Variants in SGSM2 observed in about 807,000 individuals in gnomAD.
SGSM2 encodes the protein RUN and TBC1 domain containing 1.
SGSM2 carries 89 observed loss-of-function variants against 126.6 expected under a neutral mutation model. The ratio of observed to expected loss-of-function variants is 0.70; its 90% confidence interval spans 0.59 to 0.84. The LOEUF (loss-of-function observed/expected upper bound fraction) is 0.84, where lower values mean the gene tolerates loss of function less well. Ranked by LOEUF, SGSM2 falls within the 40% of genes least tolerant of loss-of-function variation. The probability of loss-of-function intolerance (pLI) is 0.00; values close to 1 mark genes in which losing one functional copy is unlikely to be tolerated. For synonymous variants in SGSM2, 614 were observed against 574.3 expected (o/e 1.07, Z -0.99); for missense variants, 1,404 against 1,416.6 (o/e 0.99, Z 0.14).
In SGSM2 at chr17:2,380,354, A is replaced by T; in HGVS notation, c.*834A>T. On this transcript the variant is annotated 3_prime_UTR_variant, in exon 24 of 24. Transcript: ENST00000268989. ...CGGAGCACTTGCTCTGAGGAATCCC[A>T]GGGTGACTCTGTCGGGGAAGAATCC... 1 of 1,504,296 alleles carries T rather than the reference A, an allele frequency of 6.6e-7. No homozygotes were observed. Among genetic ancestry groups the T allele is most frequent in the Non-Finnish European group, 8.9e-7 (1 of 1,118,252 alleles). 93.2% of individuals were successfully genotyped at this position (1,504,296 alleles called of 1,614,324 possible).
rs768375647 is a variant in SGSM2, at chr17:2,379,925, G to A, written c.*405G>A. 1 of 1,316,102 alleles carries A rather than the reference G, an allele frequency of 7.6e-7. No homozygotes were observed. The highest frequency in any genetic ancestry group is 9.7e-7 in the Non-Finnish European group (1 of 1,029,374). The allele number at this position is 1,316,102 out of a possible 1,614,324, so 81.5% of individuals were successfully genotyped here. On this transcript the variant is annotated 3_prime_UTR_variant, in exon 24 of 24. Coordinates refer to ENST00000268989, the MANE Select transcript of SGSM2 (RefSeq NM_014853.3). ...CAGCTGGGGTGGCAGAGGGCGAGAG[G>A]CTCTGTGCTGTGTCCCTTCTGAGGG...
rs761805986 is a variant in SGSM2, at chr17:2,372,944, G to A, written c.1789-9G>A. The A allele has an allele frequency of 1.9e-6, 3 of 1,557,782 alleles. No individual in the cohort carries two copies. Among genetic ancestry groups the A allele is most frequent in the African/African-American group, 2.7e-5 (2 of 73,304 alleles). On this transcript the variant is annotated splice_polypyrimidine_tract_variant and intron_variant, in intron 15 of 23. Coordinates refer to ENST00000268989, the MANE Select transcript of SGSM2 (RefSeq NM_014853.3). This position sits in a 1 kb window ranked among gnomAD's most constrained non-coding sequence, Gnocchi z 6.0. ...AGGCTGCACAGTCTTGACTCCCCGG[G>A]TCCCTCAGAACTACAAAGAGCTGGA... is the stretch of plus-strand genomic sequence containing the variant.
chr17:2,338,044 G>A (rs957844068), intron 1 of SGSM2, among the ~76,000 whole-genome samples: 3 of 152,092 alleles, frequency 2.0e-5, no homozygotes, highest in African/African-American at 4.8e-5. Flanking sequence ...CGGCGATGGC[G>A]GGGATGGCTG....
rs748762956 is a variant in SGSM2, at chr17:2,373,375, G to T, written c.1962G>T (p.Glu654Asp). The part of the protein sequence containing the change: ...VAARYQQVLA[E>D]WKACEVVVRQ... ...CAAGGTACCAGCAGGTGTTGGCAGA[G>T]TGGAAGGCCTGCGAGGTGGTGGTGA... Residue 654 changes from glutamate (E) to aspartate (D), a missense_variant, in exon 17 of 24, where the codon GAG becomes GAT. Glu to Asp is a conservative substitution (Grantham distance 45). Coordinates refer to ENST00000268989, the MANE Select transcript of SGSM2 (RefSeq NM_014853.3). 6.2e-7 allele frequency: 1 copy of T among 1,613,054 alleles called. No homozygotes were observed. The highest frequency in any genetic ancestry group is 8.5e-7 in the Non-Finnish European group (1 of 1,180,004).
chr17:2,345,333 G>A (rs993297946), intron 2 of SGSM2, among the ~76,000 whole-genome samples: 23 of 151,506 alleles, frequency 1.5e-4, no homozygotes, highest in Non-Finnish European at 2.7e-4. Context: ...GTGGTGGCGG[G>A]CGCCTGTAAT....
At chr17:2,338,792 C>T (rs914823245) in intron 1 of SGSM2, among the ~76,000 whole-genome samples, 4 of 77,448 alleles carry the variant, frequency 5.2e-5, no homozygotes, top group South Asian at 3.2e-4. Context: ...TATATATAAC[C>T]TCACGCCTGT....
rs146145549 is a variant in SGSM2, at chr17:2,380,039, C to T, written c.*519C>T. On this transcript the variant is annotated 3_prime_UTR_variant, in exon 24 of 24. Transcript: ENST00000268989. ...CTGGTTTAGGCACACGTCACGGGTGCGGGAGACCCGGGCACGGGAGACCCG... is the reference window on the plus strand; with the variant it reads ...CTGGTTTAGGCACACGTCACGGGTGTGGGAGACCCGGGCACGGGAGACCCG... 48 of 1,393,748 alleles carry T rather than the reference C, an allele frequency of 3.4e-5. No individual in the cohort carries two copies. In the East Asian group the frequency reaches 7.0e-4, roughly 20 times the overall value. The allele number at this position is 1,393,748 out of a possible 1,614,324, so 86.3% of individuals were successfully genotyped here. A position where few individuals can be genotyped will look rare whatever the true frequency, so the allele number is the denominator to read the frequency against.
intron 16 of SGSM2, 39 bp downstream of exon 16, chr17:2,373,120 G>A (rs1252286284): frequency 6.2e-7 from 1 of 1,607,480 alleles, no homozygotes; most frequent in African/African-American, 1.3e-5. Context: ...ATGAGATGGG[G>A]AGCTGGGCCA....
intron 2 of SGSM2, among the ~76,000 whole-genome samples, chr17:2,357,145 G>A (rs1416725182): frequency 2.0e-5 from 3 of 152,110 alleles, no homozygotes; most frequent in Non-Finnish European, 4.4e-5. Flanking sequence ...CCCAGGGCTA[G>A]TCTGGGTCTG....
chr17:2,372,857 G>T lies in SGSM2; in HGVS notation c.1789-96G>T, dbSNP rs185600359. The T allele has an allele frequency of 7.4e-6, 11 of 1,484,740 alleles. No homozygotes were observed. Among genetic ancestry groups the T allele is most frequent in the Non-Finnish European group, 9.9e-6 (11 of 1,107,202 alleles). The allele number at this position is 1,484,740 out of a possible 1,614,324, so 92.0% of individuals were successfully genotyped here. On this transcript the variant is annotated intron_variant, in intron 15 of 23. Coordinates refer to ENST00000268989, the MANE Select transcript of SGSM2 (RefSeq NM_014853.3). This position sits in a 1 kb window ranked among gnomAD's most constrained non-coding sequence, Gnocchi z 6.0. The stretch of plus-strand genomic sequence containing the variant: ...GCCTGGGCTTCAGCAGTCACTACAG[G>T]CCCCGCCCCAGCCCATTCTCCGTGG...
Position 2,372,884 on chromosome 17 carries a change from AT to A in SGSM2, c.1789-68del. ...CCCGCCCCAGCCCATTCTCCGTGGG[AT>A]GGGGCTCACCCAGCTGGGCCACGGT... On this transcript the variant is annotated intron_variant, in intron 15 of 23. Transcript: ENST00000268989. The surrounding 1 kb of genome is among the most constrained non-coding windows in gnomAD (Gnocchi z 6.0). The A allele has an allele frequency of 1.3e-6, 2 of 1,527,056 alleles. No homozygotes were observed. The highest frequency in any genetic ancestry group is 1.8e-6 in the Non-Finnish European group (2 of 1,132,712). The allele number at this position is 1,527,056 out of a possible 1,614,324, so 94.6% of individuals were successfully genotyped here. A position where few individuals can be genotyped will look rare whatever the true frequency, so the allele number is the denominator to read the frequency against.
At position 2,375,820 on chromosome 17, in the gene SGSM2, C is replaced by G; in HGVS notation, c.2429C>G (p.Ala810Gly). The G allele has an allele frequency of 6.4e-7, 1 of 1,552,976 alleles. No homozygotes were observed. Among genetic ancestry groups the G allele is most frequent in the East Asian group, 2.3e-5 (1 of 44,384 alleles). The change falls in exon 18 of 24, where the codon GCC (alanine) becomes GGC (glycine). Residue 810 changes from alanine to glycine, a missense_variant. Transcript: ENST00000268989. ...PQDPSQEKPQ[A>G]GELEAGEELA... is the part of the protein sequence containing the mutation. The stretch of plus-strand genomic sequence containing the variant: ...GATCCCAGCCAGGAGAAGCCTCAGG[C>G]CGGAGAACTGGAGGCCGGAGAGGAG...
Position 2,372,026 on chromosome 17 carries a change from G to C in SGSM2, c.1578-164G>C, listed in dbSNP as rs766151000. 3 of 784,186 alleles carry C rather than the reference G, an allele frequency of 3.8e-6. No homozygotes were observed. Among genetic ancestry groups the C allele is most frequent in the Non-Finnish European group, 6.2e-6 (3 of 483,666 alleles). 48.6% of individuals were successfully genotyped at this position (784,186 alleles called of 1,614,324 possible). On this transcript the variant is annotated intron_variant, in intron 13 of 23. Coordinates refer to ENST00000268989, the MANE Select transcript of SGSM2 (RefSeq NM_014853.3). This position sits in a 1 kb window ranked among gnomAD's most constrained non-coding sequence, Gnocchi z 6.0. Reference sequence around the variant, plus strand: ...CCCACAGCACTCTGTCCAGGTGGCAGGCAGGGACAGGGCACCCACTGACGG... The same window carrying C: ...CCCACAGCACTCTGTCCAGGTGGCACGCAGGGACAGGGCACCCACTGACGG...
rs1470244770 is a variant in SGSM2, at chr17:2,376,776, T to TGCGATCTGCTG, written c.2657_2667dup (p.Pro890IlefsTer24). ...GGACGTGGGCTATGTGCAGGGCATGTGCGATCTGCTGGCGCCTCTCCTGGT... is the reference window on the plus strand; with the variant it reads ...GGACGTGGGCTATGTGCAGGGCATGTGCGATCTGCTGGCGATCTGCTGGCGCCTCTCCTGGT... On this transcript the variant is annotated frameshift_variant, in exon 20 of 24. Transcript: ENST00000268989. LOFTEE classifies it high-confidence loss of function. 5 of 1,614,090 alleles carry TGCGATCTGCTG rather than the reference T, an allele frequency of 3.1e-6. No individual in the cohort carries two copies. The highest frequency in any genetic ancestry group is 1.7e-5 in the Admixed American group (1 of 60,026).
Position 2,367,136 on chromosome 17 carries a change from C to G in SGSM2, c.1289-135C>G. Reference sequence around the variant, plus strand: ...AATCATCCAAAGAGCTTTCTGGTCCCCTCCCTTCCCCTCTTCTGTGCCCTG... The same window carrying G: ...AATCATCCAAAGAGCTTTCTGGTCCGCTCCCTTCCCCTCTTCTGTGCCCTG... On this transcript the variant is annotated intron_variant, in intron 11 of 23. Coordinates refer to ENST00000268989, the MANE Select transcript of SGSM2 (RefSeq NM_014853.3). This position sits in a 1 kb window ranked among gnomAD's most constrained non-coding sequence, Gnocchi z 4.0. 2 of 1,023,468 alleles carry G rather than the reference C, an allele frequency of 2.0e-6. No individual in the cohort carries two copies. Among genetic ancestry groups the G allele is most frequent in the Non-Finnish European group, 2.8e-6 (2 of 725,352 alleles). 63.4% of individuals were successfully genotyped at this position (1,023,468 alleles called of 1,614,324 possible).
chr17:2,367,244 C>CT lies in SGSM2; in HGVS notation c.1289-26dup. 4 of 1,603,108 alleles carry CT rather than the reference C, an allele frequency of 2.5e-6. No homozygotes were observed. Among genetic ancestry groups the CT allele is most frequent in the Non-Finnish European group, 3.4e-6 (4 of 1,174,782 alleles). On this transcript the variant is annotated intron_variant, in intron 11 of 23. Coordinates refer to ENST00000268989, the MANE Select transcript of SGSM2 (RefSeq NM_014853.3). This position sits in a 1 kb window ranked among gnomAD's most constrained non-coding sequence, Gnocchi z 4.0. Reference sequence around the variant, plus strand: ...GCCCAGGGATGAGGGCCTCATGCCTCTGCCTCTCGCTGTTCTCTTTGAGCA... The same window carrying CT: ...GCCCAGGGATGAGGGCCTCATGCCTCTTGCCTCTCGCTGTTCTCTTTGAGCA...
intron 2 of SGSM2, among the ~76,000 whole-genome samples, chr17:2,350,525 G>T (rs948942478): frequency 6.6e-6 from 1 of 151,732 alleles, no homozygotes; most frequent in African/African-American, 2.4e-5. Flanking sequence ...CAGGAGAATC[G>T]CTTGAACCCA....
At chr17:2,350,147 C>A (rs67427319) in intron 2 of SGSM2, among the ~76,000 whole-genome samples, 2 of 151,456 alleles carry the variant, frequency 1.3e-5, no homozygotes, top group African/African-American at 4.8e-5. Context: ...GTCTCAAACT[C>A]CTGACCTCAG....
rs145047268 is a variant in SGSM2, at chr17:2,372,458, C to T, written c.1758C>T (p.Asp586=). 3.1e-5 allele frequency: 49 copies of T among 1,601,480 alleles called. No homozygotes were observed. Among genetic ancestry groups the T allele is most frequent in the South Asian group, 2.4e-4 (21 of 89,344 alleles). The change falls in exon 15 of 24, where the codon GAC becomes GAT. Residue 586 remains aspartate, a synonymous_variant. Transcript: ENST00000268989. This position sits in a 1 kb window ranked among gnomAD's most constrained non-coding sequence, Gnocchi z 6.0. ...GGGCCTCCGCGGGCCTCACCAAGGA[C>T]GTGTGGAGCAAGTATCAGAAGGACA... ...PPGASAGLTK[D]VWSKYQKDKK... is the part of the protein sequence containing the mutation.
Sources: gnomAD v4.1 joint callset for allele counts (sites outside exome capture counted in the v4.1 genomes callset) on GRCh38, gnomAD v4.1.1 for gene constraint, Gnocchi (gnomAD v3.1) non-coding constraint, MANE v1.5 for transcripts, NCBI Gene and HGNC (gene_info 2026-07-23, HGNC 2026-07-21) for gene names.